INO80: variants seen among roughly 807,000 people sequenced by gnomAD.
INO80 encodes the protein chromatin-remodeling ATPase INO80.
A neutral mutation model predicts 203.4 loss-of-function variants in INO80; 20 were observed. The observed-to-expected ratio is 0.10, with a 90% confidence interval of 0.07 to 0.14. The LOEUF (loss-of-function observed/expected upper bound fraction) is 0.14. Among genes scored for constraint, INO80 ranks in the 10% least tolerant of loss-of-function variants. The pLI, the probability that INO80 is intolerant of heterozygous loss-of-function variation, is 1.00. For missense variants in INO80, 1,419 were observed against 1,914.4 expected (o/e 0.74, Z 4.83); for synonymous variants, 726 against 685.2 (o/e 1.06, Z -0.93).
chr15:40,991,976 C>A (rs990951087), intron 29 of INO80, among the ~76,000 whole-genome samples: 1 of 152,164 alleles, frequency 6.6e-6, no homozygotes, highest in Non-Finnish European at 1.5e-5. Flanking sequence ...CGGGGTTTCA[C>A]TGTGTTAGCC....
chr15:41,064,379 C>T (rs535082686), intron 14 of INO80, among the ~76,000 whole-genome samples: 1 of 152,248 alleles, frequency 6.6e-6, no homozygotes, highest in South Asian at 2.1e-4. Context: ...TTATGAATTA[C>T]ACTTTTTATT....
chr15:40,988,004 C>T, intron 29 of INO80, 30 bp from the exon 30 acceptor site: 1 of 1,584,764 alleles, frequency 6.3e-7, no homozygotes, highest in South Asian at 1.1e-5. Context: ...AACTGAAGCA[C>T]TCTTAGGGAA....
intron 27 of INO80, among the ~76,000 whole-genome samples, chr15:41,007,777 AAAC>A (rs1312621221): frequency 1.3e-5 from 2 of 151,320 alleles, no homozygotes; most frequent in African/African-American, 4.9e-5. Context: ...AAAAAAAAAA[AAAC>A]AAGAAAATGG....
chr15:40,986,316 C>CTTTTTTT (rs551165963), intron 31 of INO80, among the ~76,000 whole-genome samples: 104 of 90,708 alleles, frequency 1.1e-3, no homozygotes, highest in Middle Eastern at 0.01. Context: ...CTCCACAATG[C>CTTTTTTT]TTTTTTTTTT....
intron 4 of INO80, among the ~76,000 whole-genome samples, chr15:41,093,813 C>G (rs2045680307): frequency 6.7e-6 from 1 of 150,210 alleles, no homozygotes; most frequent in Non-Finnish European, 1.5e-5. Context: ...CCACCGCACT[C>G]CAGCCAGGGT....
chr15:40,981,180 AGTGGAACCACG>A (rs1212022583), intron 35 of INO80, among the ~76,000 whole-genome samples: 1 of 5,900 alleles, frequency 1.7e-4, no homozygotes, highest in East Asian at 0.062. Flanking sequence ...CCTCATCCAC[AGTGGAACCACG>A]GGTACTCTCT....
At chr15:40,983,652 T>C (rs1893917651) in intron 34 of INO80, 110 bp downstream of exon 34, 4 of 912,692 alleles carry the variant, frequency 4.4e-6, no homozygotes, top group East Asian at 2.7e-5. Flanking sequence ...GACAAAGCTA[T>C]TGAAAGAATA....
intron 9 of INO80, among the ~76,000 whole-genome samples, chr15:41,078,263 GA>G (rs2045435211): frequency 6.6e-6 from 1 of 152,082 alleles, no homozygotes; most frequent in Non-Finnish European, 1.5e-5. Context: ...AGTAGATTAA[GA>G]AAACAGAAAG....
intron 24 of INO80, among the ~76,000 whole-genome samples, chr15:41,042,494 G>C (rs1232349064): frequency 1.3e-5 from 2 of 151,882 alleles, no homozygotes; most frequent in African/African-American, 4.8e-5. Context: ...TTTTTTCTGA[G>C]AGGGAGTCTC....
chr15:41,031,013 T>C (rs1016113042), intron 24 of INO80, among the ~76,000 whole-genome samples: 7 of 152,196 alleles, frequency 4.6e-5, no homozygotes, highest in African/African-American at 9.7e-5. Context: ...AGTATTCTCA[T>C]TGAAGTTGCT....
chr15:41,096,658 T>C (rs930770553), intron 1 of INO80, among the ~76,000 whole-genome samples: 3 of 152,172 alleles, frequency 2.0e-5, no homozygotes, highest in Admixed American at 6.6e-5. Context: ...TTTATCCCTT[T>C]CAATAAAAAA....
At chr15:41,070,610 A>G in intron 12 of INO80, 63 bp from the exon 13 acceptor site, 1 of 1,317,528 alleles carries the variant, frequency 7.6e-7, no homozygotes, top group Non-Finnish European at 1.1e-6. Context: ...TCAACCTGTT[A>G]CCAAAAAGAA....
Position 41,044,981 on chromosome 15 carries a change from G to T in INO80, c.2830C>A (p.Leu944Met). The T allele has an allele frequency of 6.2e-7, 1 of 1,614,052 alleles. No individual in the cohort carries two copies. Among genetic ancestry groups the T allele is most frequent in the Non-Finnish European group, 8.5e-7 (1 of 1,179,966 alleles). Residue 944 changes from leucine (L) to methionine (M), a missense_variant, in exon 24 of 36, where the codon CTG (leucine) becomes ATG (methionine). Leu to Met is a conservative substitution (Grantham distance 15). This residue lies in a region of INO80 where 302 missense variants were observed against 345.4 expected (regional missense o/e 0.87). Transcript: ENST00000648947. Reference sequence around the variant, plus strand: ...CCAAGAAGGAAATCCTTGTTCCTCAGGTATCTCTGGTGGCTCTCCCCTTCT... The same window carrying T: ...CCAAGAAGGAAATCCTTGTTCCTCATGTATCTCTGGTGGCTCTCCCCTTCT... The part of the protein sequence containing the change: ...APEGESHQRY[L>M]RNKDFLLGVN...
intron 29 of INO80, among the ~76,000 whole-genome samples, chr15:40,988,938 C>T (rs2140416011): frequency 6.6e-6 from 1 of 152,174 alleles, no homozygotes; most frequent in Non-Finnish European, 1.5e-5. Flanking sequence ...TTGTTTGAAC[C>T]TGGGAGGCAG....
chr15:41,010,434 G>T (rs2044116951), intron 27 of INO80, among the ~76,000 whole-genome samples: 1 of 150,732 alleles, frequency 6.6e-6, no homozygotes, highest in African/African-American at 2.4e-5. Flanking sequence ...TAATTTTCAT[G>T]GGTATATAGT....
At chr15:40,988,511 G>A (rs187598777) in intron 29 of INO80, among the ~76,000 whole-genome samples, 1 of 152,302 alleles carries the variant, frequency 6.6e-6, no homozygotes, top group Admixed American at 6.5e-5. Flanking sequence ...GCTTGAGCCT[G>A]GGAGGCAGAG....
chr15:41,115,703 G>A (rs756114903), intron 1 of INO80, among the ~76,000 whole-genome samples: 75 of 152,264 alleles, frequency 4.9e-4, no homozygotes, highest in Non-Finnish European at 9.3e-4. Flanking sequence ...CCCCACGTGT[G>A]GGCGCCCCAC....
At position 40,983,748 on chromosome 15, in the gene INO80, A is replaced by G. The variant is rs199976461; in HGVS notation, c.4237+14T>C. On this transcript the variant is annotated intron_variant, in intron 34 of 35. Transcript: ENST00000648947. ...GTGGACCAGGCCCAAGCTGTACAAGACAGCAGCAATTACCATTCACGGTAT... is the reference window on the plus strand; with the variant it reads ...GTGGACCAGGCCCAAGCTGTACAAGGCAGCAGCAATTACCATTCACGGTAT... The G allele has an allele frequency of 8.1e-6, 13 of 1,611,754 alleles. No individual in the cohort carries two copies. The Admixed American group carries it at 1.0e-4, about 12-fold the overall frequency.
At chr15:41,104,625 C>T (rs2045857278) in intron 1 of INO80, among the ~76,000 whole-genome samples, 1 of 152,098 alleles carries the variant, frequency 6.6e-6, no homozygotes. Context: ...GCAACCTCCG[C>T]CTCCCAGATT....
Sources: allele counts gnomAD v4.1 joint callset (sites outside exome capture counted in the v4.1 genomes callset), GRCh38; gene constraint gnomAD v4.1.1; regional missense constraint gnomAD v4.1.1; transcripts MANE v1.5; gene names NCBI Gene and HGNC (gene_info 2026-07-23, HGNC 2026-07-21).